Variants in MARCHF1 observed in about 807,000 individuals in gnomAD.
MARCHF1 encodes the protein E3 ubiquitin-protein ligase MARCHF1.
In MARCHF1, 40 loss-of-function variants were observed where a neutral mutation model predicts 54.2. That is an observed-to-expected ratio of 0.74 (90% CI 0.57 to 0.96). The LOEUF is 0.96. MARCHF1 is among the 40% of genes least tolerant of loss of function. MARCHF1 has a pLI of 0.00. For missense variants in MARCHF1, 586 were observed against 656.5 expected (o/e 0.89, Z 1.17); for synonymous variants, 236 against 236.3 (o/e 1.00, Z 0.01).
At chr4:163,991,245 T>C (rs913172468) in intron 2 of MARCHF1, among the ~76,000 whole-genome samples, 2 of 152,228 alleles carry the variant, frequency 1.3e-5, no homozygotes, top group African/African-American at 4.8e-5. Flanking sequence ...TCAGTCTGTT[T>C]AATAAATATT....
intron 1 of MARCHF1, among the ~76,000 whole-genome samples, chr4:164,288,252 G>T (rs2111357795): frequency 6.6e-6 from 1 of 152,158 alleles, no homozygotes; most frequent in African/African-American, 2.4e-5. Context: ...TACCGCAAAA[G>T]CTAGAGCCAC....
intron 3 of MARCHF1, among the ~76,000 whole-genome samples, chr4:163,963,407 C>A (rs116839428): frequency 6.6e-6 from 1 of 151,784 alleles, no homozygotes; most frequent in Non-Finnish European, 1.5e-5. Context: ...ACCGATGATA[C>A]CGAGTTAAGA....
rs141515024 is a variant in MARCHF1, at chr4:163,971,878, G to A, written c.-39+16623C>T. Among the ~76,000 whole-genome samples the A allele has an allele frequency of 1.9e-3, 294 of 152,268 alleles. 1 individual carries two copies. The highest frequency in any genetic ancestry group is 6.9e-3 in the African/African-American group (287 of 41,542). ...AAATACAAGGCTACATACTTAAGAA[G>A]TATGGAAGCCACATGCACATGTATG... On this transcript the variant is annotated intron_variant, in intron 3 of 9. Transcript: ENST00000514618.
At chr4:164,098,910 G>A (rs1367726519) in intron 2 of MARCHF1, among the ~76,000 whole-genome samples, 1 of 152,170 alleles carries the variant, frequency 6.6e-6, no homozygotes, top group Non-Finnish European at 1.5e-5. Context: ...CATGTAAGTG[G>A]TCCAATTTTT....
At chr4:164,101,486 C>T (rs562588919) in intron 2 of MARCHF1, among the ~76,000 whole-genome samples, 2 of 125,644 alleles carry the variant, frequency 1.6e-5, no homozygotes. Context: ...CTGGGAGGCA[C>T]CCCCCAGCAG....
chr4:163,742,491 T>C (rs1746235138), intron 4 of MARCHF1, among the ~76,000 whole-genome samples: 1 of 151,634 alleles, frequency 6.6e-6, no homozygotes, highest in Non-Finnish European at 1.5e-5. Context: ...TTTTCTTTTT[T>C]CTTGAGACAG....
chr4:164,166,753 A>G (rs1004652784), intron 1 of MARCHF1, among the ~76,000 whole-genome samples: 2 of 151,906 alleles, frequency 1.3e-5, no homozygotes, highest in Non-Finnish European at 2.9e-5. Flanking sequence ...AAAACCCCAA[A>G]GATCTACCAA....
intron 3 of MARCHF1, among the ~76,000 whole-genome samples, chr4:163,964,110 A>G (rs1228036078): frequency 2.6e-5 from 4 of 151,990 alleles, no homozygotes; most frequent in Non-Finnish European, 4.4e-5. Context: ...CATTTTCACA[A>G]TCACCTGCAC....
chr4:164,372,820 C>T (rs1731074093), intron 1 of MARCHF1, among the ~76,000 whole-genome samples: 2 of 151,974 alleles, frequency 1.3e-5, no homozygotes, highest in African/African-American at 4.8e-5. Flanking sequence ...AAAAATAAAA[C>T]ACTCACTACA....
chr4:164,143,720 G>T (rs1366083769), intron 1 of MARCHF1, among the ~76,000 whole-genome samples: 1 of 152,138 alleles, frequency 6.6e-6, no homozygotes. Flanking sequence ...GCAAAATCAT[G>T]CCAAAATGTA....
intron 5 of MARCHF1, among the ~76,000 whole-genome samples, chr4:163,641,606 T>C (rs767648003): frequency 6.6e-6 from 1 of 152,196 alleles, no homozygotes; most frequent in Non-Finnish European, 1.5e-5. Context: ...AATATTTATA[T>C]GCTAGGAACA....
In MARCHF1 at chr4:163,862,618, G is replaced by A. The variant is rs1749963340; in HGVS notation, c.-38-8449C>T. Among the ~76,000 whole-genome samples the A allele has an allele frequency of 2.0e-5, 3 of 151,990 alleles. No individual in the cohort carries two copies. The South Asian group carries it at 6.2e-4, about 31-fold the overall frequency. On this transcript the variant is annotated intron_variant, in intron 3 of 9. Coordinates refer to ENST00000514618, the MANE Select transcript of MARCHF1 (RefSeq NM_001394959.1). ...CCATTGCTCGTGGGAATACAAAATA[G>A]TACAGCCATCTTAGAAGACAATTTG...
chr4:163,956,675 T>C (rs1752239498), intron 3 of MARCHF1, among the ~76,000 whole-genome samples: 2 of 152,128 alleles, frequency 1.3e-5, no homozygotes, highest in African/African-American at 4.8e-5. Flanking sequence ...ACAACACAGT[T>C]TATGTGTTGA....
intron 2 of MARCHF1, among the ~76,000 whole-genome samples, chr4:164,078,715 T>C (rs1755029942): frequency 6.6e-6 from 1 of 152,082 alleles, no homozygotes; most frequent in Non-Finnish European, 1.5e-5. Flanking sequence ...TAACAGCAAA[T>C]TAGACATGAC....
intron 3 of MARCHF1, among the ~76,000 whole-genome samples, chr4:163,885,546 T>A (rs1354173167): frequency 1.3e-5 from 2 of 152,118 alleles, no homozygotes; most frequent in African/African-American, 2.4e-5. Context: ...AAATTACTAT[T>A]TGAAAGATGT....
chr4:164,209,573 T>G (rs544717959), intron 1 of MARCHF1, among the ~76,000 whole-genome samples: 1 of 152,136 alleles, frequency 6.6e-6, no homozygotes, highest in African/African-American at 2.4e-5. Flanking sequence ...AATACCATGA[T>G]AGCAGAGAGA....
intron 4 of MARCHF1, among the ~76,000 whole-genome samples, chr4:163,788,857 C>A (rs780613183): frequency 1.3e-5 from 2 of 151,994 alleles, no homozygotes; most frequent in South Asian, 4.1e-4. Context: ...TAGCAGACAG[C>A]AATCTCAACA....
chr4:163,951,661 T>A (rs938800814), intron 3 of MARCHF1, among the ~76,000 whole-genome samples: 2 of 152,180 alleles, frequency 1.3e-5, no homozygotes, highest in Non-Finnish European at 2.9e-5. Context: ...GTAAGTGCTG[T>A]ATGTACTGCA....
intron 9 of MARCHF1, among the ~76,000 whole-genome samples, chr4:163,539,188 G>A (rs1560929743): frequency 6.6e-6 from 1 of 151,786 alleles, no homozygotes; most frequent in African/African-American, 2.4e-5. Flanking sequence ...GCCCAGCTAA[G>A]TTTTGTATTT....
Sources: allele counts gnomAD v4.1 joint callset (sites outside exome capture counted in the v4.1 genomes callset), GRCh38; gene constraint gnomAD v4.1.1; transcripts MANE v1.5; gene names NCBI Gene and HGNC (gene_info 2026-07-23, HGNC 2026-07-21).